Variants in SMARCC1 observed in about 807,000 individuals in gnomAD.
SMARCC1 encodes SWI/SNF related BAF chromatin remodeling complex subunit C1.
SMARCC1 carries 43 observed loss-of-function variants against 147.4 expected under a neutral mutation model. That is an observed-to-expected ratio of 0.29 (90% confidence interval 0.23 to 0.38). The LOEUF (loss-of-function observed/expected upper bound fraction) is 0.38, where lower values mean the gene tolerates loss of function less well. Ranked by LOEUF, SMARCC1 falls within the 10% of genes least tolerant of loss-of-function variation. SMARCC1 has a pLI of 1.00. For missense variants in SMARCC1, 1,119 were observed against 1,381.1 expected (o/e 0.81, Z 3.01); for synonymous variants, 495 against 484.4 (o/e 1.02, Z -0.29).
intron 18 of SMARCC1, among the ~76,000 whole-genome samples, chr3:47,671,189 A>AAAAAAAAAAAAAAAAAAAAAAC (rs2033494943): frequency 6.9e-6 from 1 of 145,730 alleles, no homozygotes. Flanking sequence ...AAAAAAAAAA[A>AAAAAAAAAAAAAAAAAAAAAAC]AAAAAAAAAC....
At chr3:47,600,616 C>T (rs560512528) in intron 26 of SMARCC1, among the ~76,000 whole-genome samples, 20 of 152,310 alleles carry the variant, frequency 1.3e-4, no homozygotes, top group African/African-American at 4.6e-4. Flanking sequence ...GGTCCATTCT[C>T]TTTTCCTTTA....
chr3:47,625,514 C>A (rs2032796317), intron 24 of SMARCC1, among the ~76,000 whole-genome samples: 1 of 151,976 alleles, frequency 6.6e-6, no homozygotes, highest in Admixed American at 6.6e-5. Context: ...GGATTACCGG[C>A]ATGAGCCACC....
chr3:47,707,135 A>C (rs1011876907), intron 9 of SMARCC1, among the ~76,000 whole-genome samples: 1 of 152,112 alleles, frequency 6.6e-6, no homozygotes, highest in Non-Finnish European at 1.5e-5. Context: ...ACACAGGGAA[A>C]GCCCATCTCT....
intron 26 of SMARCC1, among the ~76,000 whole-genome samples, chr3:47,609,058 C>T (rs1255340736): frequency 1.3e-5 from 2 of 151,976 alleles, no homozygotes; most frequent in Non-Finnish European, 2.9e-5. Flanking sequence ...TGAATTATTA[C>T]ATAGATTTTT....
chr3:47,703,564 G>A (rs2033952587), intron 10 of SMARCC1, among the ~76,000 whole-genome samples: 1 of 151,980 alleles, frequency 6.6e-6, no homozygotes, highest in African/African-American at 2.4e-5. Flanking sequence ...TGGCCAAAAG[G>A]TATAAGAAAA....
At chr3:47,615,835 C>A (rs1023071358) in intron 25 of SMARCC1, among the ~76,000 whole-genome samples, 1 of 152,170 alleles carries the variant, frequency 6.6e-6, no homozygotes, top group Non-Finnish European at 1.5e-5. Flanking sequence ...AGGTGCCCAC[C>A]ACCACGCCCG....
chr3:47,738,438 C>T (rs1302742295), intron 3 of SMARCC1, among the ~76,000 whole-genome samples: 1 of 152,174 alleles, frequency 6.6e-6, no homozygotes, highest in East Asian at 1.9e-4. Context: ...GTAATCCCAG[C>T]ACTTTGGGAG....
At chr3:47,727,618 T>G (rs970682881) in intron 6 of SMARCC1, among the ~76,000 whole-genome samples, 7 of 146,190 alleles carry the variant, frequency 4.8e-5, no homozygotes, top group South Asian at 2.2e-4. Context: ...TTGTTTTTTG[T>G]TTTTTTTTTT....
chr3:47,776,944 T>C (rs1343005290), intron 1 of SMARCC1, among the ~76,000 whole-genome samples: 1 of 151,918 alleles, frequency 6.6e-6, no homozygotes, highest in African/African-American at 2.4e-5. Context: ...CTGGCTAATT[T>C]TGTATTTTTA....
intron 19 of SMARCC1, 73 bp downstream of exon 19, chr3:47,670,585 A>G: frequency 9.9e-7 from 1 of 1,014,028 alleles, no homozygotes; most frequent in Non-Finnish European, 1.6e-6. Context: ...CCCTGCCTCT[A>G]AATAAAACAA....
intron 15 of SMARCC1, 90 bp downstream of exon 15, chr3:47,680,347 A>G (rs565361617): frequency 1.2e-6 from 1 of 850,474 alleles, no homozygotes; most frequent in African/African-American, 1.7e-5. Flanking sequence ...CAAACTTCCA[A>G]GAATCAGCAA....
chr3:47,721,121 G>T (rs1336643998), intron 6 of SMARCC1, among the ~76,000 whole-genome samples: 1 of 152,072 alleles, frequency 6.6e-6, no homozygotes, highest in African/African-American at 2.4e-5. Context: ...GTGAGGCTTA[G>T]CAATTATTAC....
Position 47,675,552 on chromosome 3 carries a change from T to G in SMARCC1, c.1762A>C (p.Lys588Gln). The G allele has an allele frequency of 6.2e-7, 1 of 1,612,006 alleles. No homozygotes were observed. The highest frequency in any genetic ancestry group is 8.5e-7 in the Non-Finnish European group (1 of 1,178,064). Residue 588 changes from lysine (K) to glutamine (Q), a missense_variant, in exon 18 of 28, where the codon AAA becomes CAA. Physicochemically the swap from Lys to Gln is moderately conservative, Grantham distance 53 (BLOSUM62 1). Transcript: ENST00000254480. ...AAATCAACTGGTTTTTCCTTGTTTT[T>G]CTCAGGAAAATTTAGCATCTGTTGA... Reference protein sequence around the residue: ...AAQQMLNFPEKNKEKPVDLQN... With the variant: ...AAQQMLNFPEQNKEKPVDLQN...
intron 5 of SMARCC1, 49 bp from the exon 6 acceptor site, chr3:47,729,143 A>T: frequency 1.7e-6 from 2 of 1,147,052 alleles, no homozygotes. Context: ...CATGGCAATG[A>T]ACTATGAGAT....
chr3:47,732,558 A>C (rs2034386761), intron 5 of SMARCC1, among the ~76,000 whole-genome samples: 1 of 152,202 alleles, frequency 6.6e-6, no homozygotes, highest in South Asian at 2.1e-4. Context: ...AGAGATAAGC[A>C]ACTCTTCCTT....
At chr3:47,685,926 T>C (rs147252783) in intron 14 of SMARCC1, 123 bp downstream of exon 14, 90 of 715,208 alleles carry the variant, frequency 1.3e-4, no homozygotes, top group Non-Finnish European at 1.6e-4. Flanking sequence ...ACTCTCCATC[T>C]CCCTTCATCC....
intron 19 of SMARCC1, among the ~76,000 whole-genome samples, chr3:47,669,861 T>G (rs1172307664): frequency 1.3e-5 from 2 of 152,182 alleles, no homozygotes; most frequent in East Asian, 3.8e-4. Flanking sequence ...CCAAGTCCAC[T>G]CTATGTGGTC....
intron 21 of SMARCC1, among the ~76,000 whole-genome samples, chr3:47,659,311 T>G (rs2033308188): frequency 6.7e-6 from 1 of 149,772 alleles, no homozygotes; most frequent in African/African-American, 2.5e-5. Flanking sequence ...AAAGAACAAT[T>G]CCTAACTTAT....
intron 11 of SMARCC1, among the ~76,000 whole-genome samples, chr3:47,699,650 C>T (rs2033894648): frequency 6.6e-6 from 1 of 151,874 alleles, no homozygotes; most frequent in Admixed American, 6.6e-5. Context: ...GTATATTGCC[C>T]TACATGTATA....
Sources: gnomAD v4.1 joint callset for allele counts (sites outside exome capture counted in the v4.1 genomes callset) on GRCh38, gnomAD v4.1.1 for gene constraint, MANE v1.5 for transcripts, NCBI Gene and HGNC (gene_info 2026-07-23, HGNC 2026-07-21) for gene names.